Variants in CYTH4 observed in about 807,000 individuals in gnomAD.
CYTH4 encodes cytohesin-4.
Under a neutral mutation model 57.5 loss-of-function variants are expected in CYTH4, and 22 were observed. The observed-to-expected ratio is 0.38, with a 90% CI of 0.27 to 0.55. The LOEUF is 0.55. Among genes scored for constraint, CYTH4 ranks in the 20% least tolerant of loss-of-function variants. The pLI, the probability that CYTH4 is intolerant of heterozygous loss-of-function variation, is 0.74. For synonymous variants in CYTH4, 186 were observed against 206.5 expected (o/e 0.90, Z 0.85); for missense variants, 420 against 535.6 (o/e 0.78, Z 2.13).
intron 7 of CYTH4, among the ~76,000 whole-genome samples, chr22:37,302,860 A>C (rs1458869736): frequency 1.3e-5 from 2 of 152,120 alleles, no homozygotes; most frequent in East Asian, 3.8e-4. Flanking sequence ...TGCCGCTAAC[A>C]ATGAGTGTTC....
chr22:37,303,540 G>A (rs1016403378), intron 8 of CYTH4, 138 bp downstream of exon 8: 16 of 1,270,966 alleles, frequency 1.3e-5, no homozygotes, highest in African/African-American at 4.6e-5. Context: ...CACCCAGGCT[G>A]TGACTGTCTT....
At chr22:37,312,578 C>G (rs1929686644) in intron 12 of CYTH4, among the ~76,000 whole-genome samples, 1 of 152,182 alleles carries the variant, frequency 6.6e-6, no homozygotes, top group Non-Finnish European at 1.5e-5. Context: ...TGTGGGCAAC[C>G]AGCAGGCGGC....
At chr22:37,289,294 T>C (rs1421849854) in intron 1 of CYTH4, among the ~76,000 whole-genome samples, 2 of 152,232 alleles carry the variant, frequency 1.3e-5, no homozygotes, top group Admixed American at 1.3e-4. Context: ...CCATGATGCA[T>C]GGATATTCTG....
At chr22:37,306,761 T>G (rs1257788963) in intron 8 of CYTH4, among the ~76,000 whole-genome samples, 1 of 152,192 alleles carries the variant, frequency 6.6e-6, no homozygotes, top group Non-Finnish European at 1.5e-5. Flanking sequence ...TTAATTTATC[T>G]CTTAAACCAG....
chr22:37,306,287 G>T (rs978746656), intron 8 of CYTH4, among the ~76,000 whole-genome samples: 1 of 152,230 alleles, frequency 6.6e-6, no homozygotes, highest in Non-Finnish European at 1.5e-5. Context: ...CAGAGTAACA[G>T]TCTCCCAGTT....
chr22:37,311,162 T>C lies in CYTH4; in HGVS notation c.885+98T>C. On this transcript the variant is annotated intron_variant, in intron 10 of 12. Coordinates refer to ENST00000248901, the MANE Select transcript of CYTH4 (RefSeq NM_013385.5). This position sits in a 1 kb window ranked among gnomAD's most constrained non-coding sequence, Gnocchi z 4.4. ...AGCAGTCGACTCACACAGCTTTGGA[T>C]CCTTTGAGATCATTCAGTCCCCCTC... 1 of 1,342,612 alleles carries C rather than the reference T, an allele frequency of 7.4e-7. No homozygotes were observed. The highest frequency in any genetic ancestry group is 1.1e-6 in the Non-Finnish European group (1 of 942,176). 83.2% of individuals were successfully genotyped at this position (1,342,612 alleles called of 1,614,324 possible). A position where few individuals can be genotyped will look rare whatever the true frequency, so the allele number is the denominator to read the frequency against.
At position 37,309,397 on chromosome 22, in the gene CYTH4, T is replaced by C. The variant is rs1929554289; in HGVS notation, c.808+74T>C. ...CGGGCACACATCGTTGCATGCACAC[T>C]CCTGGACGCACAGGCCCCCAGCTGA... On this transcript the variant is annotated intron_variant, in intron 9 of 12. Coordinates refer to ENST00000248901, the MANE Select transcript of CYTH4 (RefSeq NM_013385.5). 7 of 1,321,348 alleles carry C rather than the reference T, an allele frequency of 5.3e-6. No individual in the cohort carries two copies. The South Asian group carries it at 8.5e-5, about 16-fold the overall frequency. The allele number at this position is 1,321,348 out of a possible 1,614,324, so 81.9% of individuals were successfully genotyped here. A position where few individuals can be genotyped will look rare whatever the true frequency, so the allele number is the denominator to read the frequency against.
chr22:37,307,430 C>T (rs79802439), intron 8 of CYTH4, among the ~76,000 whole-genome samples: 3,168 of 152,204 alleles, frequency 0.021, 53 homozygotes, highest in Middle Eastern at 0.068. Flanking sequence ...CCAGCCAGTG[C>T]CACCTGGGAA....
intron 1 of CYTH4, among the ~76,000 whole-genome samples, chr22:37,285,289 T>C (rs920785272): frequency 3.3e-5 from 5 of 151,576 alleles, no homozygotes; most frequent in African/African-American, 1.2e-4. Flanking sequence ...GGGGTGGGGG[T>C]TCATGTCACA....
Position 37,293,065 on chromosome 22 carries a change from A to G in CYTH4, c.102+362A>G, listed in dbSNP as rs141491860. ...CCACCTGGTCAAGATAACTCCCAGT[A>G]TGTGCCCTGCACTTACCACTTCACC... On this transcript the variant is annotated intron_variant, in intron 2 of 12. Coordinates refer to ENST00000248901, the MANE Select transcript of CYTH4 (RefSeq NM_013385.5). 3.4e-3 allele frequency among the ~76,000 whole-genome samples: 522 copies of G among 152,358 alleles called. 3 individuals are homozygous for G. The highest frequency in any genetic ancestry group is 0.012 in the African/African-American group (497 of 41,586).
intron 6 of CYTH4, 46 bp from the exon 7 acceptor site, chr22:37,300,861 C>G: frequency 1.3e-6 from 2 of 1,544,710 alleles, no homozygotes; most frequent in East Asian, 2.3e-5. Flanking sequence ...CTGGGGCCCG[C>G]GAGGGCCCAC....
chr22:37,310,471 G>A (rs1363068913), intron 9 of CYTH4, among the ~76,000 whole-genome samples: 1 of 152,186 alleles, frequency 6.6e-6, no homozygotes, highest in African/African-American at 2.4e-5. Flanking sequence ...ATTGGGGTTC[G>A]AATCCCAGCT....
intron 1 of CYTH4, among the ~76,000 whole-genome samples, chr22:37,285,142 T>C (rs963731320): frequency 1.3e-5 from 2 of 152,156 alleles, no homozygotes; most frequent in Non-Finnish European, 2.9e-5. Context: ...CCAGCTGTCC[T>C]GGAAGCAGGG....
In CYTH4 at chr22:37,312,134, A is replaced by G. The variant is rs1929669495; in HGVS notation, c.1072A>G (p.Thr358Ala). The G allele has an allele frequency of 6.2e-7, 1 of 1,614,114 alleles. No homozygotes were observed. The highest frequency in any genetic ancestry group is 1.7e-5 in the Admixed American group (1 of 60,010). The stretch of plus-strand genomic sequence containing the variant: ...GCACGAATCGTACCGCATCTCAGCC[A>G]CCAGTGCCGAGGAACGTGACCAGTG... ...GKHESYRISA[T>A]SAEERDQWIE... Residue 358 changes from threonine (T) to alanine (A), a missense_variant, in exon 12 of 13, where the codon ACC becomes GCC. By Grantham distance (58) the Thr-to-Ala change is moderately conservative (BLOSUM62 0). Transcript: ENST00000248901.
At chr22:37,289,440 G>T (rs911302805) in intron 1 of CYTH4, among the ~76,000 whole-genome samples, 3 of 152,222 alleles carry the variant, frequency 2.0e-5, no homozygotes, top group South Asian at 2.1e-4. Context: ...TTCAGTAGCT[G>T]CCTGGTTTTC....
intron 4 of CYTH4, 81 bp from the exon 5 acceptor site, chr22:37,297,483 A>G: frequency 3.9e-6 from 5 of 1,284,448 alleles, no homozygotes; most frequent in Non-Finnish European, 5.6e-6. Flanking sequence ...GATTCTGGCC[A>G]TGGAAGCTCC....
chr22:37,303,450 G>A, intron 8 of CYTH4, 48 bp downstream of exon 8: 1 of 1,587,802 alleles, frequency 6.3e-7, no homozygotes, highest in African/African-American at 1.4e-5. Flanking sequence ...AATCCAGGAG[G>A]GACCTGTCCT....
Position 37,298,586 on chromosome 22 carries a change from A to G in CYTH4, c.354-640A>G, listed in dbSNP as rs1386039521. On this transcript the variant is annotated intron_variant, in intron 5 of 12. Transcript: ENST00000248901. This position sits in a 1 kb window ranked among gnomAD's most constrained non-coding sequence, Gnocchi z 4.1. ...AAGTAAAAAGGCCCTGGGGTCAGAA[A>G]CAGGCTCAAGAATCTAGACTGGACG... 2.0e-5 allele frequency among the ~76,000 whole-genome samples: 3 copies of G among 152,102 alleles called. No individual in the cohort carries two copies. The highest frequency in any genetic ancestry group is 1.5e-5 in the Non-Finnish European group (1 of 68,034).
chr22:37,297,087 C>T (rs934525933), intron 4 of CYTH4, among the ~76,000 whole-genome samples: 4 of 152,154 alleles, frequency 2.6e-5, no homozygotes, highest in Non-Finnish European at 4.4e-5. Flanking sequence ...TGTCTGCCTC[C>T]GAGCGGTAGG....
Sources: allele counts gnomAD v4.1 joint callset (sites outside exome capture counted in the v4.1 genomes callset), GRCh38; gene constraint gnomAD v4.1.1; non-coding constraint Gnocchi (gnomAD v3.1); transcripts MANE v1.5; gene names NCBI Gene and HGNC (gene_info 2026-07-23, HGNC 2026-07-21).